The following ZFP91 variants were observed in gnomAD, a reference collection of about 807,000 sequenced individuals.
ZFP91 encodes E3 ubiquitin-protein ligase ZFP91.
Under a neutral mutation model 63.5 loss-of-function variants are expected in ZFP91, and 7 were observed. The ratio of observed to expected loss-of-function variants is 0.11; its 90% CI spans 0.06 to 0.21. The LOEUF is 0.21. ZFP91 is among the 10% of genes least tolerant of loss of function. The pLI, the probability that ZFP91 is intolerant of heterozygous loss-of-function variation, is 1.00. For missense variants in ZFP91, 628 were observed against 736.6 expected, an observed-to-expected ratio of 0.85 and a Z score of 1.71; for synonymous variants, 330 against 272.1, an observed-to-expected ratio of 1.21 and a Z score of -2.10.
chr11:58,608,129 T>C lies in ZFP91; in HGVS notation c.371-1701T>C, dbSNP rs536293772. ...ACTAATGTGTAGCACTGTTTTTAAG[T>C]AGTAGAAGAGTAGACAACTAAACAT... On this transcript the variant is annotated intron_variant, in intron 2 of 10. Transcript: ENST00000316059. Among the ~76,000 whole-genome samples the C allele has an allele frequency of 3.3e-5, 5 of 151,898 alleles. No individual in the cohort carries two copies. The South Asian group carries it at 1.0e-3, about 32-fold the overall frequency.
chr11:58,608,552 C>T (rs1014548278), intron 2 of ZFP91, among the ~76,000 whole-genome samples: 62 of 152,158 alleles, frequency 4.1e-4, no homozygotes, highest in African/African-American at 1.1e-3. Flanking sequence ...GTCATGCTAT[C>T]GTTTTCATTT....
In ZFP91 at chr11:58,616,751, G is replaced by A; in HGVS notation, c.1138G>A (p.Ala380Thr). 6.2e-7 allele frequency: 1 copy of A among 1,613,780 alleles called. No individual in the cohort carries two copies. Among genetic ancestry groups the A allele is most frequent in the Non-Finnish European group, 8.5e-7 (1 of 1,179,816 alleles). Reference sequence around the variant, plus strand: ...TTATATCTGTGAATATTGTGCTCGGGCCTTCAAGAGTTCCCACAATCTGGC... The same window carrying A: ...TTATATCTGTGAATATTGTGCTCGGACCTTCAAGAGTTCCCACAATCTGGC... ...RDYICEYCAR[A>T]FKSSHNLAVH... is the part of the protein sequence containing the mutation. Residue 380 changes from alanine to threonine, a missense_variant, in exon 10 of 11, where the codon GCC (alanine) becomes ACC (threonine). By Grantham distance (58) the Ala-to-Thr change is moderately conservative. Transcript: ENST00000316059.
chr11:58,590,985 A>G (rs962232640), intron 2 of ZFP91, among the ~76,000 whole-genome samples: 1 of 152,030 alleles, frequency 6.6e-6, no homozygotes, highest in Non-Finnish European at 1.5e-5. Flanking sequence ...ACAGAAATGC[A>G]CATATTATAA....
At chr11:58,616,581 C>A in intron 9 of ZFP91, 135 bp from the exon 10 acceptor site, 1 of 477,242 alleles carries the variant, frequency 2.1e-6, no homozygotes, top group Non-Finnish European at 3.5e-6. Flanking sequence ...ATTTTGTTTA[C>A]CCAAAGTGTT....
intron 9 of ZFP91, among the ~76,000 whole-genome samples, chr11:58,616,065 G>A (rs1302526535): frequency 6.6e-6 from 1 of 152,206 alleles, no homozygotes; most frequent in Non-Finnish European, 1.5e-5. Context: ...GCATAATGGG[G>A]TTGAGGGTGT....
At chr11:58,591,831 C>T (rs566606092) in intron 2 of ZFP91, among the ~76,000 whole-genome samples, 28 of 152,140 alleles carry the variant, frequency 1.8e-4, no homozygotes, top group Non-Finnish European at 3.5e-4. Context: ...TCCAATGTAG[C>T]GAACCTTGCA....
At chr11:58,588,830 T>C (rs1855256955) in intron 2 of ZFP91, among the ~76,000 whole-genome samples, 1 of 152,082 alleles carries the variant, frequency 6.6e-6, no homozygotes, top group African/African-American at 2.4e-5. Flanking sequence ...GTGAGAAAAA[T>C]CTAACTTGTA....
At chr11:58,606,151 T>C (rs1855566930) in intron 2 of ZFP91, among the ~76,000 whole-genome samples, 1 of 152,166 alleles carries the variant, frequency 6.6e-6, no homozygotes. Flanking sequence ...ACCCTCCACC[T>C]CCTGGGTTCA....
At chr11:58,599,170 T>G (rs1266010160) in intron 2 of ZFP91, among the ~76,000 whole-genome samples, 2 of 149,834 alleles carry the variant, frequency 1.3e-5, no homozygotes, top group African/African-American at 4.8e-5. Flanking sequence ...ATTTTCGTTG[T>G]ATGTATATAT....
rs1855673380 is a variant in ZFP91, at chr11:58,612,032, T to C, written c.858-246T>C. 3 of 537,974 alleles carry C rather than the reference T, an allele frequency of 5.6e-6. No homozygotes were observed. In the South Asian group the frequency reaches 9.0e-5, roughly 16 times the overall value. 33.3% of individuals were successfully genotyped at this position (537,974 alleles called of 1,614,324 possible). On this transcript the variant is annotated intron_variant, in intron 6 of 10. Transcript: ENST00000316059. ...ATACATTGAGATTCTTCTAAGTCTT[T>C]CATAGTATTGCATAGTTTATGGAAG...
At chr11:58,610,369 T>C (rs1357893732) in intron 4 of ZFP91, 35 bp downstream of exon 4, 2 of 1,552,426 alleles carry the variant, frequency 1.3e-6, no homozygotes, top group South Asian at 2.4e-5. Context: ...TTTTAAACCT[T>C]TGGGGACATA....
intron 8 of ZFP91, among the ~76,000 whole-genome samples, chr11:58,613,526 T>G (rs900442936): frequency 6.6e-6 from 1 of 152,132 alleles, no homozygotes; most frequent in Non-Finnish European, 1.5e-5. Context: ...TAGAGAACTT[T>G]CGTTGGAATC....
chr11:58,613,887 G>A (rs1855707533), intron 8 of ZFP91, among the ~76,000 whole-genome samples: 1 of 152,154 alleles, frequency 6.6e-6, no homozygotes, highest in Non-Finnish European at 1.5e-5. Context: ...CTCCTCTGCT[G>A]TGTGCCATTT....
At chr11:58,611,076 A>G (rs780295977) in intron 5 of ZFP91, 22 bp downstream of exon 5, 13 of 1,601,920 alleles carry the variant, frequency 8.1e-6, no homozygotes, top group Non-Finnish European at 1.0e-5. Context: ...ATTTTACTGC[A>G]GACATGTTAA....
intron 2 of ZFP91, among the ~76,000 whole-genome samples, chr11:58,589,758 A>G (rs1441860707): frequency 1.3e-5 from 2 of 152,226 alleles, no homozygotes; most frequent in Non-Finnish European, 2.9e-5. Context: ...GGTATGGCCC[A>G]GATCCTTTAA....
chr11:58,587,745 C>CT (rs1855235507), intron 2 of ZFP91, among the ~76,000 whole-genome samples: 1 of 152,156 alleles, frequency 6.6e-6, no homozygotes, highest in African/African-American at 2.4e-5. Flanking sequence ...ACTTATTTCA[C>CT]TTTCTAACCT....
chr11:58,616,050 A>G, intron 9 of ZFP91, among the ~76,000 whole-genome samples: 1 of 152,232 alleles, frequency 6.6e-6, no homozygotes, highest in South Asian at 2.1e-4. Flanking sequence ...TTCATCAGAA[A>G]TCCTGCATAA....
chr11:58,602,338 T>C (rs1229348046), intron 2 of ZFP91, among the ~76,000 whole-genome samples: 1 of 152,180 alleles, frequency 6.6e-6, no homozygotes, highest in Non-Finnish European at 1.5e-5. Flanking sequence ...GGTTCTGTTA[T>C]TGAAAGTGGG....
intron 2 of ZFP91, among the ~76,000 whole-genome samples, chr11:58,593,803 T>A (rs959626327): frequency 2.0e-5 from 3 of 152,226 alleles, no homozygotes; most frequent in Admixed American, 2.0e-4. Flanking sequence ...GATCTTTTTC[T>A]TTGTTTTCAT....
Sources: allele counts gnomAD v4.1 joint callset (sites outside exome capture counted in the v4.1 genomes callset), GRCh38; gene constraint gnomAD v4.1.1; transcripts MANE v1.5; gene names NCBI Gene and HGNC (gene_info 2026-07-23, HGNC 2026-07-21).